The following PLEKHF1 variants were observed in gnomAD, a reference collection of about 807,000 sequenced individuals.
PLEKHF1 encodes pleckstrin homology domain-containing family F member 1.
Under a neutral mutation model 4.1 loss-of-function variants are expected in PLEKHF1, and 1 was observed. The ratio of observed to expected loss-of-function variants is 0.24; its 90% CI spans 0.09 to 1.15. PLEKHF1 has a LOEUF of 1.15. Ranked by LOEUF, PLEKHF1 falls within the 50% of genes most tolerant of loss-of-function variation. The pLI is 0.52. For missense variants in PLEKHF1, 429 were observed against 400.6 expected (o/e 1.07, Z -0.60); for synonymous variants, 182 against 178.5 (o/e 1.02, Z -0.16).
At position 29,668,653 on chromosome 19, in the gene PLEKHF1, G is replaced by A. The variant is rs1200319040; in HGVS notation, c.-17+3148G>A. ...GAGGCTTTCTTGAGCCCTGGAGTTC[G>A]AGGCTGCAGTTAGCCCTGATTGTGC... On this transcript the variant is annotated intron_variant, in intron 1 of 1. Coordinates refer to ENST00000436066, the MANE Select transcript of PLEKHF1 (RefSeq NM_024310.5). Among the ~76,000 whole-genome samples the A allele has an allele frequency of 2.0e-5, 3 of 151,708 alleles. No homozygotes were observed. In the East Asian group the frequency reaches 5.8e-4, roughly 29 times the overall value.
Position 29,674,343 on chromosome 19 carries a change from C to T in PLEKHF1, c.504C>T (p.Ala168=), listed in dbSNP as rs750543177. ...CMRCTQTRFS[A]LTRRHHCRKC... is the part of the protein sequence containing the mutation. Reference sequence around the variant, plus strand: ...GCTGCACGCAGACGCGCTTCTCTGCCCTCACGAGGCGCCACCACTGCCGCA... The same window carrying T: ...GCTGCACGCAGACGCGCTTCTCTGCTCTCACGAGGCGCCACCACTGCCGCA... Residue 168 remains alanine (A), a synonymous_variant, in exon 2 of 2, where the codon GCC becomes GCT. Coordinates refer to ENST00000436066, the MANE Select transcript of PLEKHF1 (RefSeq NM_024310.5). 44 of 1,554,494 alleles carry T rather than the reference C, an allele frequency of 2.8e-5. No homozygotes were observed. Among genetic ancestry groups the T allele is most frequent in the Non-Finnish European group, 3.5e-5 (40 of 1,156,514 alleles).
intron 1 of PLEKHF1, among the ~76,000 whole-genome samples, chr19:29,666,707 CAGGG>C (rs1324176152): frequency 6.6e-6 from 1 of 152,244 alleles, no homozygotes; most frequent in African/African-American, 2.4e-5. Flanking sequence ...GATCACTCAG[CAGGG>C]ACCTTGGGCA....
intron 1 of PLEKHF1, among the ~76,000 whole-genome samples, chr19:29,673,300 T>C (rs1432438523): frequency 1.3e-5 from 2 of 152,124 alleles, no homozygotes; most frequent in Non-Finnish European, 1.5e-5. Flanking sequence ...TGATGTCCCG[T>C]TGAGGCCTGT....
In PLEKHF1 at chr19:29,673,835, A is replaced by T. The variant is rs765814782; in HGVS notation, c.-5A>T. 4.1e-5 allele frequency: 65 copies of T among 1,587,146 alleles called. No homozygotes were observed. The highest frequency in any genetic ancestry group is 5.5e-5 in the Non-Finnish European group (64 of 1,164,262). ...GTCTCCTCCTGCAGCCGCCAGCTGGAGACGATGGTGGACCACTTGGCCAAC... is the reference window on the plus strand; with the variant it reads ...GTCTCCTCCTGCAGCCGCCAGCTGGTGACGATGGTGGACCACTTGGCCAAC... On this transcript the variant is annotated 5_prime_UTR_variant, in exon 2 of 2. Coordinates refer to ENST00000436066, the MANE Select transcript of PLEKHF1 (RefSeq NM_024310.5).
intron 1 of PLEKHF1, among the ~76,000 whole-genome samples, chr19:29,668,894 C>T (rs1252733136): frequency 6.6e-6 from 1 of 152,162 alleles, no homozygotes; most frequent in Non-Finnish European, 1.5e-5. Context: ...CCCCGCCCCT[C>T]GCCCAACCTG....
chr19:29,673,776 C>T, intron 1 of PLEKHF1, 48 bp from the exon 2 acceptor site: 1 of 1,551,682 alleles, frequency 6.4e-7, no homozygotes, highest in Non-Finnish European at 8.7e-7. Flanking sequence ...GGTTCTGACA[C>T]CCCCATGCCT....
chr19:29,672,444 A>T lies in PLEKHF1; in HGVS notation c.-16-1380A>T, dbSNP rs73924042. Reference sequence around the variant, plus strand: ...GCTGCCTGAGCTGGGGTTGTCAGGGAGAACCCTTTCAAAAAGGAACTGAGA... The same window carrying T: ...GCTGCCTGAGCTGGGGTTGTCAGGGTGAACCCTTTCAAAAAGGAACTGAGA... On this transcript the variant is annotated intron_variant, in intron 1 of 1. Coordinates refer to ENST00000436066, the MANE Select transcript of PLEKHF1 (RefSeq NM_024310.5). Among the ~76,000 whole-genome samples the T allele has an allele frequency of 9.4e-3, 1,424 of 151,992 alleles. 22 individuals carry two copies. The highest frequency in any genetic ancestry group is 0.033 in the African/African-American group (1,371 of 41,548).
At chr19:29,672,556 A>G (rs1971643018) in intron 1 of PLEKHF1, among the ~76,000 whole-genome samples, 1 of 152,154 alleles carries the variant, frequency 6.6e-6, no homozygotes, top group South Asian at 2.1e-4. Flanking sequence ...TGGCGGAGTT[A>G]TGTGCTGAGA....
chr19:29,669,191 C>T (rs1365778424), intron 1 of PLEKHF1, among the ~76,000 whole-genome samples: 3 of 152,310 alleles, frequency 2.0e-5, no homozygotes, highest in Admixed American at 6.5e-5. Flanking sequence ...CTCTGCTGGA[C>T]GGGTCCAGGG....
At position 29,668,527 on chromosome 19, in the gene PLEKHF1, C is replaced by T. The variant is rs534183322; in HGVS notation, c.-17+3022C>T. Among the ~76,000 whole-genome samples, 62 of 152,048 alleles carry T rather than the reference C, an allele frequency of 4.1e-4. 1 individual carries two copies. Among genetic ancestry groups the T allele is most frequent in the African/African-American group, 1.5e-3 (61 of 41,506 alleles). On this transcript the variant is annotated intron_variant, in intron 1 of 1. Transcript: ENST00000436066. ...TTGAGGCCAGGAGTTCAAGACCTAT[C>T]TAAGCAACAGAGTGAACCCTCGCCT...
At chr19:29,665,555 G>T in intron 1 of PLEKHF1, 50 bp downstream of exon 1, 1 of 1,252,436 alleles carries the variant, frequency 8.0e-7, no homozygotes, top group Non-Finnish European at 1.0e-6. Context: ...CGGGGCAGGC[G>T]CATGAGGCGA....
chr19:29,674,056 A>C lies in PLEKHF1; in HGVS notation c.217A>C (p.Lys73Gln). Residue 73 changes from lysine (K) to glutamine (Q), a missense_variant, in exon 2 of 2, where the codon AAG (lysine) becomes CAG (glutamine). By Grantham distance (53) the Lys-to-Gln change is moderately conservative (BLOSUM62 1). Transcript: ENST00000436066. ...TGGCAGCATCGTGCTCAACAAGCGC[A>C]AGTACCGCAGCCAGCACATCATCCC... ...VYGSIVLNKR[K>Q]YRSQHIIPLE... 1.2e-6 allele frequency: 2 copies of C among 1,614,120 alleles called. No homozygotes were observed. Among genetic ancestry groups the C allele is most frequent in the Non-Finnish European group, 1.7e-6 (2 of 1,180,010 alleles).
chr19:29,668,243 AG>A (rs1971591746), intron 1 of PLEKHF1, among the ~76,000 whole-genome samples: 1 of 152,212 alleles, frequency 6.6e-6, no homozygotes, highest in Non-Finnish European at 1.5e-5. Context: ...CTCTACCAGC[AG>A]CCCTGGGGCC....
In PLEKHF1 at chr19:29,665,520, C is replaced by G. The variant is rs1258037732; in HGVS notation, c.-17+15C>G. The G allele has an allele frequency of 8.1e-7, 1 of 1,238,390 alleles. No individual in the cohort carries two copies. Among genetic ancestry groups the G allele is most frequent in the African/African-American group, 1.6e-5 (1 of 61,286 alleles). 76.7% of individuals were successfully genotyped at this position (1,238,390 alleles called of 1,614,324 possible). A position where few individuals can be genotyped will look rare whatever the true frequency, so the allele number is the denominator to read the frequency against. Reference sequence around the variant, plus strand: ...CGGCGCAGAAGGTGAGTCCCCCCACCGTCCCCCGGCCGGGCTGCGGGTCGC... The same window carrying G: ...CGGCGCAGAAGGTGAGTCCCCCCACGGTCCCCCGGCCGGGCTGCGGGTCGC... On this transcript the variant is annotated intron_variant, in intron 1 of 1. Coordinates refer to ENST00000436066, the MANE Select transcript of PLEKHF1 (RefSeq NM_024310.5).
At chr19:29,668,721 GAAAA>G (rs113972567) in intron 1 of PLEKHF1, among the ~76,000 whole-genome samples, 1 of 119,200 alleles carries the variant, frequency 8.4e-6, no homozygotes, top group South Asian at 2.6e-4. Context: ...CAATGTCTCA[GAAAA>G]AAAAAAAAAA....
chr19:29,667,859 A>C (rs1971587137), intron 1 of PLEKHF1, among the ~76,000 whole-genome samples: 2 of 152,210 alleles, frequency 1.3e-5, no homozygotes, highest in South Asian at 4.1e-4. Context: ...TTTTCTCTCA[A>C]GAGCTGGTAG....
intron 1 of PLEKHF1, among the ~76,000 whole-genome samples, chr19:29,667,644 C>T (rs1449303641): frequency 6.6e-6 from 1 of 151,752 alleles, no homozygotes; most frequent in African/African-American, 2.4e-5. Flanking sequence ...CATCCCCCAC[C>T]GCTGCCCAGC....
At chr19:29,666,086 C>G (rs1481380757) in intron 1 of PLEKHF1, among the ~76,000 whole-genome samples, 1 of 152,074 alleles carries the variant, frequency 6.6e-6, no homozygotes, top group Non-Finnish European at 1.5e-5. Context: ...TGAGCAGGCC[C>G]GCAGAGAGAG....
chr19:29,669,531 C>A (rs1013997234), intron 1 of PLEKHF1, among the ~76,000 whole-genome samples: 2 of 152,218 alleles, frequency 1.3e-5, no homozygotes, highest in Non-Finnish European at 2.9e-5. Context: ...ATGTGGTCAC[C>A]CTATCAGGCC....
Sources: gnomAD v4.1 joint callset for allele counts (sites outside exome capture counted in the v4.1 genomes callset) on GRCh38, gnomAD v4.1.1 for gene constraint, MANE v1.5 for transcripts, NCBI Gene and HGNC (gene_info 2026-07-23, HGNC 2026-07-21) for gene names.